RAB6A: variants seen among roughly 807,000 people sequenced by gnomAD.
RAB6A encodes ras-related protein Rab-6A.
A neutral mutation model predicts 32.3 loss-of-function variants in RAB6A; 8 were observed. That is an observed-to-expected ratio of 0.25 (90% confidence interval 0.15 to 0.45). RAB6A has a LOEUF of 0.45. Ranked by LOEUF, RAB6A falls within the 20% of genes least tolerant of loss-of-function variation. The pLI is 1.00. For synonymous variants in RAB6A, 73 were observed against 82.1 expected (o/e 0.89, Z 0.60); for missense variants, 104 against 249.4 (o/e 0.42, Z 3.93).
At chr11:73,716,475 T>C in intron 4 of RAB6A, 113 bp from the exon 5 acceptor site, 1 of 631,844 alleles carries the variant, frequency 1.6e-6, no homozygotes, top group Non-Finnish European at 2.8e-6. Context: ...GGCACATTAG[T>C]ACCCCACTTT....
chr11:73,693,146 T>A (rs1976912), intron 6 of RAB6A, among the ~76,000 whole-genome samples: 1 of 151,906 alleles, frequency 6.6e-6, no homozygotes, highest in Non-Finnish European at 1.5e-5. Flanking sequence ...AAATTAGCCA[T>A]GCGTGGTGGC....
intron 7 of RAB6A, among the ~76,000 whole-genome samples, chr11:73,679,088 C>G (rs1022746378): frequency 6.6e-6 from 1 of 152,020 alleles, no homozygotes. Flanking sequence ...ATACAAAGTG[C>G]TACAAACTAT....
chr11:73,731,689 T>A (rs1266559792), intron 1 of RAB6A, among the ~76,000 whole-genome samples: 6 of 4,616 alleles, frequency 1.3e-3, no homozygotes, highest in African/African-American at 1.8e-3. Context: ...AGATATTATA[T>A]ATATATATAT....
chr11:73,706,406 C>T (rs933739714), intron 6 of RAB6A, among the ~76,000 whole-genome samples: 1 of 151,504 alleles, frequency 6.6e-6, no homozygotes, highest in African/African-American at 2.4e-5. Flanking sequence ...CCCAGCTACT[C>T]GGGAGGCTGA....
chr11:73,739,284 A>AAAAAAAAATAT (rs1208877325), intron 1 of RAB6A, among the ~76,000 whole-genome samples: 2 of 6,760 alleles, frequency 3.0e-4, no homozygotes, highest in African/African-American at 6.5e-4. Flanking sequence ...AAAAAAAAAA[A>AAAAAAAAATAT]ATATATATAT....
chr11:73,753,264 A>G (rs978788274), intron 1 of RAB6A, among the ~76,000 whole-genome samples: 2 of 152,032 alleles, frequency 1.3e-5, no homozygotes, highest in Admixed American at 6.5e-5. Flanking sequence ...CCTGGCCAAC[A>G]TGGCCACTCA....
At chr11:73,706,931 A>G (rs1945855417) in intron 6 of RAB6A, among the ~76,000 whole-genome samples, 1 of 152,068 alleles carries the variant, frequency 6.6e-6, no homozygotes, top group Admixed American at 6.5e-5. Flanking sequence ...CAGCCTGACC[A>G]ACATGAAAAA....
chr11:73,741,028 G>T (rs757314604), intron 1 of RAB6A, among the ~76,000 whole-genome samples: 6 of 151,976 alleles, frequency 3.9e-5, no homozygotes, highest in African/African-American at 1.2e-4. Context: ...AATAAAAGTG[G>T]TTTCTCCACA....
At chr11:73,680,700 T>C (rs1215163544) in intron 6 of RAB6A, among the ~76,000 whole-genome samples, 1 of 152,084 alleles carries the variant, frequency 6.6e-6, no homozygotes, top group Non-Finnish European at 1.5e-5. Flanking sequence ...GTGTATAATA[T>C]ATTGTGAAAC....
At chr11:73,742,081 C>T (rs182768615) in intron 1 of RAB6A, among the ~76,000 whole-genome samples, 49 of 151,636 alleles carry the variant, frequency 3.2e-4, no homozygotes, top group African/African-American at 1.1e-3. Flanking sequence ...CAGAGGTTCA[C>T]GACCAGCCTG....
chr11:73,702,104 T>C (rs188086273), intron 6 of RAB6A, among the ~76,000 whole-genome samples: 1 of 152,324 alleles, frequency 6.6e-6, no homozygotes, highest in East Asian at 1.9e-4. Context: ...TGTTATAGGT[T>C]TCAATATCCC....
chr11:73,725,001 A>T (rs1192386020), intron 2 of RAB6A, among the ~76,000 whole-genome samples: 1 of 152,220 alleles, frequency 6.6e-6, no homozygotes, highest in East Asian at 1.9e-4. Flanking sequence ...AGAATGACAA[A>T]TGCCAGAGAA....
intron 6 of RAB6A, among the ~76,000 whole-genome samples, chr11:73,688,666 C>G (rs1334731142): frequency 6.6e-6 from 1 of 152,108 alleles, no homozygotes; most frequent in Non-Finnish European, 1.5e-5. Context: ...AATATCTTAC[C>G]CCCAAATAAC....
At chr11:73,691,033 G>A (rs1488306749) in intron 6 of RAB6A, among the ~76,000 whole-genome samples, 3 of 149,126 alleles carry the variant, frequency 2.0e-5, no homozygotes, top group African/African-American at 2.5e-5. Context: ...GTGGGGGGGC[G>A]ATGCTGGGGA....
At position 73,681,360 on chromosome 11, in the gene RAB6A, T is replaced by C. The variant is rs79523303; in HGVS notation, c.496-1640A>G. Among the ~76,000 whole-genome samples the C allele has an allele frequency of 5.3e-3, 811 of 152,306 alleles. 7 individuals are homozygous for C. Among genetic ancestry groups the C allele is most frequent in the African/African-American group, 0.018 (736 of 41,558 alleles). On this transcript the variant is annotated intron_variant, in intron 6 of 7. Coordinates refer to ENST00000336083, the MANE Select transcript of RAB6A (RefSeq NM_198896.2). ...AATCTTTTAGGAGGTAACATCTGAGTTGAGATTTAAAGGCAGTCTTAAAAC... is the reference window on the plus strand; with the variant it reads ...AATCTTTTAGGAGGTAACATCTGAGCTGAGATTTAAAGGCAGTCTTAAAAC...
At chr11:73,755,892 AGAGGAGGAGGAAGAAGAG>A (rs1446125549) in intron 1 of RAB6A, among the ~76,000 whole-genome samples, 1 of 151,094 alleles carries the variant, frequency 6.6e-6, no homozygotes, top group Non-Finnish European at 1.5e-5. Flanking sequence ...AGGAGAAGGA[AGAGGAGGAGGAAGAAGAG>A]GAGGAGGAGA....
chr11:73,704,637 A>G (rs993368993), intron 6 of RAB6A, among the ~76,000 whole-genome samples: 4 of 151,698 alleles, frequency 2.6e-5, no homozygotes, highest in African/African-American at 9.7e-5. Flanking sequence ...GTGAGCTGAG[A>G]TCGTGCCACT....
At chr11:73,717,264 G>A (rs59827361) in intron 4 of RAB6A, among the ~76,000 whole-genome samples, 2,389 of 152,320 alleles carry the variant, frequency 0.016, 69 homozygotes, top group African/African-American at 0.055. Context: ...ATGCAAGAAT[G>A]CATAGTAACA....
rs56270679 is a variant in RAB6A at position 73,685,885 on chromosome 11, C to CAAAAAAAAA, written c.496-6174_496-6166dup. Among the ~76,000 whole-genome samples the CAAAAAAAAA allele has an allele frequency of 6.7e-3, 687 of 102,740 alleles. 23 individuals carry two copies. Among genetic ancestry groups the CAAAAAAAAA allele is most frequent in the East Asian group, 8.7e-3 (32 of 3,678 alleles). The allele number at this position is 102,740 out of a possible 152,430, so 67.4% of individuals were successfully genotyped here. A position where few individuals can be genotyped will look rare whatever the true frequency, so the allele number is the denominator to read the frequency against. ...AGGCAACAAGAGTGAAACTCCGTCT[C>CAAAAAAAAA]AAAAAAAAAAAAAAAAAAAAAAAGC... is the stretch of plus-strand genomic sequence containing the variant. On this transcript the variant is annotated intron_variant, in intron 6 of 7. Coordinates refer to ENST00000336083, the MANE Select transcript of RAB6A (RefSeq NM_198896.2).
Sources: gnomAD v4.1 joint callset for allele counts (sites outside exome capture counted in the v4.1 genomes callset) on GRCh38, gnomAD v4.1.1 for gene constraint, MANE v1.5 for transcripts, NCBI Gene and HGNC (gene_info 2026-07-23, HGNC 2026-07-21) for gene names.